Variants in CHN2 observed in about 807,000 individuals in gnomAD.
CHN2 encodes the protein chimerin 2, also known as beta-chimaerin.
Under a neutral mutation model 56.3 loss-of-function variants are expected in CHN2, and 35 were observed. That is an observed-to-expected ratio of 0.62 (90% CI 0.47 to 0.82). The LOEUF is 0.82. Ranked by LOEUF, CHN2 falls within the 40% of genes least tolerant of loss-of-function variation. The probability of loss-of-function intolerance (pLI) is 0.00; values close to 1 mark genes in which losing one functional copy is unlikely to be tolerated. For missense variants in CHN2, 491 were observed against 580.5 expected (o/e 0.85, Z 1.58); for synonymous variants, 210 against 212.8 (o/e 0.99, Z 0.12).
chr7:29,209,550 T>C (rs1784766544), intron 1 of CHN2, among the ~76,000 whole-genome samples: 1 of 152,194 alleles, frequency 6.6e-6, no homozygotes, highest in Admixed American at 6.5e-5. Flanking sequence ...AATTTAAAAC[T>C]GGATAGAGTC....
At chr7:29,455,027 G>A (rs909743238) in intron 6 of CHN2, among the ~76,000 whole-genome samples, 4 of 152,122 alleles carry the variant, frequency 2.6e-5, no homozygotes, top group African/African-American at 7.2e-5. Context: ...TGCTGCTAGT[G>A]CTGCTGACAT....
At chr7:29,238,350 T>C (rs1394042559) in intron 1 of CHN2, among the ~76,000 whole-genome samples, 2 of 152,108 alleles carry the variant, frequency 1.3e-5, no homozygotes, top group Non-Finnish European at 2.9e-5. Context: ...AAACTTCGGG[T>C]CTGTTATGTG....
chr7:29,484,486 C>T (rs1026878112), intron 7 of CHN2, among the ~76,000 whole-genome samples: 14 of 152,272 alleles, frequency 9.2e-5, no homozygotes, highest in Non-Finnish European at 1.8e-4. Context: ...CTTGTGGTTG[C>T]GGCAGTCCTT....
chr7:29,174,626 C>T (rs890204032), intron 2 of CHN2, among the ~76,000 whole-genome samples: 1 of 152,080 alleles, frequency 6.6e-6, no homozygotes, highest in Non-Finnish European at 1.5e-5. Context: ...TTTGGGAGGC[C>T]GACTTGGGCG....
chr7:29,307,235 T>C (rs897903453), intron 1 of CHN2, among the ~76,000 whole-genome samples: 4 of 152,208 alleles, frequency 2.6e-5, no homozygotes, highest in African/African-American at 9.7e-5. Context: ...TTTAAAAGCC[T>C]AATAAAAAAG....
At chr7:29,334,821 G>C in intron 1 of CHN2, among the ~76,000 whole-genome samples, 1 of 152,192 alleles carries the variant, frequency 6.6e-6, no homozygotes, top group East Asian at 1.9e-4. Flanking sequence ...TCCCCTAAGT[G>C]TAACGGCTAG....
At chr7:29,174,853 C>T (rs968114741) in intron 2 of CHN2, among the ~76,000 whole-genome samples, 2 of 141,474 alleles carry the variant, frequency 1.4e-5, no homozygotes, top group African/African-American at 5.2e-5. Context: ...AAGAGCAAAA[C>T]TCCATCTAAA....
rs1213338681 is a variant in CHN2 at position 29,392,993 on chromosome 7, CAT to C, written c.145-685_145-684del. On this transcript the variant is annotated intron_variant, in intron 3 of 12. Coordinates refer to ENST00000222792, the MANE Select transcript of CHN2 (RefSeq NM_004067.4). ...TTCTCACCAACTCCAACATCATAAACATGTGAAAACAAAGCTCTTATGAAAGC... is the reference window on the plus strand; with the variant it reads ...TTCTCACCAACTCCAACATCATAAACGTGAAAACAAAGCTCTTATGAAAGC... Among the ~76,000 whole-genome samples, 7 of 152,194 alleles carry C rather than the reference CAT, an allele frequency of 4.6e-5. No individual in the cohort carries two copies. The East Asian group carries it at 1.3e-3, about 29-fold the overall frequency.
intron 2 of CHN2, among the ~76,000 whole-genome samples, chr7:29,356,945 C>T (rs1398729646): frequency 6.6e-6 from 1 of 152,192 alleles, no homozygotes; most frequent in Admixed American, 6.5e-5. Flanking sequence ...CGTACATTAA[C>T]GACCCAATAA....
intron 3 of CHN2, among the ~76,000 whole-genome samples, chr7:29,372,466 G>T (rs1409126800): frequency 6.6e-6 from 1 of 152,020 alleles, no homozygotes; most frequent in South Asian, 2.1e-4. Flanking sequence ...TAACATATTT[G>T]ATTGTTGCTT....
At chr7:29,362,279 G>T (rs150983101) in intron 2 of CHN2, among the ~76,000 whole-genome samples, 1 of 152,284 alleles carries the variant, frequency 6.6e-6, no homozygotes, top group African/African-American at 2.4e-5. Context: ...TGATCTGTGT[G>T]ACCTTGAGCA....
At chr7:29,412,290 C>A (rs923974660) in intron 6 of CHN2, among the ~76,000 whole-genome samples, 3 of 142,706 alleles carry the variant, frequency 2.1e-5, no homozygotes, top group African/African-American at 7.9e-5. Flanking sequence ...AAATGCATTT[C>A]AGTAAGATTA....
At chr7:29,280,330 G>C (rs1301616800) in intron 1 of CHN2, among the ~76,000 whole-genome samples, 1 of 152,052 alleles carries the variant, frequency 6.6e-6, no homozygotes, top group Non-Finnish European at 1.5e-5. Flanking sequence ...GTTGCAGTGA[G>C]CTGAGATCAC....
intron 1 of CHN2, among the ~76,000 whole-genome samples, chr7:29,280,369 G>A (rs911932171): frequency 2.6e-5 from 3 of 116,178 alleles, no homozygotes; most frequent in Non-Finnish European, 5.2e-5. Context: ...GGGTGACAGA[G>A]CGAGGCTCCG....
chr7:29,232,747 G>T (rs1191364864), intron 1 of CHN2, among the ~76,000 whole-genome samples: 3 of 152,160 alleles, frequency 2.0e-5, no homozygotes, highest in Middle Eastern at 3.2e-3. Flanking sequence ...TAGAGTTGTT[G>T]AATGCTCATT....
At chr7:29,195,952 C>T (rs776345746) in intron 1 of CHN2, among the ~76,000 whole-genome samples, 39 of 151,902 alleles carry the variant, frequency 2.6e-4, no homozygotes, top group Admixed American at 9.2e-4. Context: ...AATGACAAAC[C>T]CAAAGGGATA....
intron 1 of CHN2, among the ~76,000 whole-genome samples, chr7:29,221,969 A>G (rs1562843198): frequency 6.6e-6 from 1 of 152,208 alleles, no homozygotes; most frequent in Non-Finnish European, 1.5e-5. Context: ...TCTTTTGGAC[A>G]TATACCCAGT....
intron 9 of CHN2, among the ~76,000 whole-genome samples, chr7:29,503,166 A>G (rs1464304905): frequency 6.6e-6 from 1 of 152,190 alleles, no homozygotes; most frequent in Non-Finnish European, 1.5e-5. Flanking sequence ...AATTAAGGCT[A>G]AATGAGGTCC....
rs1191220634 is a variant in CHN2 at position 29,514,223 on chromosome 7, A to G, written c.*1488A>G. 3.3e-5 allele frequency: 5 copies of G among 152,648 alleles called. No individual in the cohort carries two copies. The highest frequency in any genetic ancestry group is 3.3e-4 in the Admixed American group (5 of 15,282). 9.5% of individuals were successfully genotyped at this position (152,648 alleles called of 1,614,324 possible). On this transcript the variant is annotated 3_prime_UTR_variant, in exon 13 of 13. Coordinates refer to ENST00000222792, the MANE Select transcript of CHN2 (RefSeq NM_004067.4). Reference sequence around the variant, plus strand: ...ATGTACTTCTTGATACTGTCAAAAAATTATCTGGAAATGGTTTTATTTTGT... The same window carrying G: ...ATGTACTTCTTGATACTGTCAAAAAGTTATCTGGAAATGGTTTTATTTTGT...
Sources: allele counts gnomAD v4.1 joint callset (sites outside exome capture counted in the v4.1 genomes callset), GRCh38; gene constraint gnomAD v4.1.1; transcripts MANE v1.5; gene names NCBI Gene and HGNC (gene_info 2026-07-23, HGNC 2026-07-21).